The following RNF130 variants were observed in gnomAD, a reference collection of about 807,000 sequenced individuals.
RNF130 encodes E3 ubiquitin-protein ligase RNF130.
In RNF130, 21 loss-of-function variants were observed where a neutral mutation model predicts 44.6. The observed-to-expected ratio is 0.47, with a 90% confidence interval of 0.33 to 0.68. RNF130 has a LOEUF of 0.68. Among genes scored for constraint, RNF130 ranks in the 30% least tolerant of loss-of-function variants. The probability of loss-of-function intolerance (pLI) is 0.02; values close to 1 mark genes in which losing one functional copy is unlikely to be tolerated. For synonymous variants in RNF130, 214 were observed against 210.4 expected, an observed-to-expected ratio of 1.02 and a Z score of -0.15; for missense variants, 479 against 560.6, an observed-to-expected ratio of 0.85 and a Z score of 1.47.
chr5:180,045,940 G>A (rs986274394), intron 1 of RNF130, among the ~76,000 whole-genome samples: 3 of 152,340 alleles, frequency 2.0e-5, no homozygotes, highest in South Asian at 2.1e-4. Context: ...AGTGGATCCC[G>A]TGCGGCATGC....
chr5:179,945,971 C>T (rs756234397), intron 7 of RNF130, among the ~76,000 whole-genome samples: 3 of 152,230 alleles, frequency 2.0e-5, no homozygotes, highest in African/African-American at 7.2e-5. Flanking sequence ...CTCCCCACGG[C>T]CGCATCTGCC....
intron 7 of RNF130, among the ~76,000 whole-genome samples, chr5:179,930,303 G>T (rs1362993420): frequency 1.3e-5 from 2 of 152,118 alleles, no homozygotes; most frequent in African/African-American, 4.8e-5. Context: ...TGATCTGCCC[G>T]CCTTGGCCTC....
intron 7 of RNF130, among the ~76,000 whole-genome samples, chr5:179,923,678 C>A (rs1331971440): frequency 3.3e-5 from 5 of 152,164 alleles, no homozygotes; most frequent in Non-Finnish European, 7.3e-5. Context: ...TTTCCTGTAC[C>A]TCACTTCCCT....
intron 3 of RNF130, among the ~76,000 whole-genome samples, chr5:179,983,277 GTACT>G (rs1346575857): frequency 6.8e-6 from 1 of 147,250 alleles, no homozygotes; most frequent in South Asian, 2.2e-4. Flanking sequence ...TTATAGTTTC[GTACT>G]TTGTATTTAG....
chr5:179,926,751 G>C (rs1761712511), intron 7 of RNF130, among the ~76,000 whole-genome samples: 1 of 152,170 alleles, frequency 6.6e-6, no homozygotes, highest in African/African-American at 2.4e-5. Flanking sequence ...CTGACTCATA[G>C]CCAGTTGGTC....
At chr5:179,953,614 A>G (rs184533830), downstream of RNF130, among the ~76,000 whole-genome samples, 1 of 152,354 alleles carries the variant, frequency 6.6e-6, no homozygotes, top group East Asian at 1.9e-4. Flanking sequence ...TACACCGTAT[A>G]CAAACATTAA....
intron 2 of RNF130, among the ~76,000 whole-genome samples, chr5:180,038,896 G>A (rs1380738249): frequency 1.3e-5 from 2 of 152,120 alleles, no homozygotes; most frequent in African/African-American, 2.4e-5. Context: ...AAGTAAAGAA[G>A]AAATCAGCAT....
At chr5:179,926,129 T>A (rs1761705068) in intron 7 of RNF130, among the ~76,000 whole-genome samples, 1 of 152,192 alleles carries the variant, frequency 6.6e-6, no homozygotes, top group African/African-American at 2.4e-5. Flanking sequence ...ACCAATTCCA[T>A]CCTGTCTTTG....
At chr5:180,054,471 T>C (rs1042779905) in intron 1 of RNF130, among the ~76,000 whole-genome samples, 2 of 152,186 alleles carry the variant, frequency 1.3e-5, no homozygotes, top group African/African-American at 2.4e-5. Flanking sequence ...ACTTCTCCGA[T>C]ATCCAGTTGT....
intron 3 of RNF130, among the ~76,000 whole-genome samples, chr5:180,000,286 G>C (rs1763302908): frequency 6.6e-6 from 1 of 152,066 alleles, no homozygotes; most frequent in African/African-American, 2.4e-5. Flanking sequence ...AGTCTAATAG[G>C]GATTCTCTTA....
chr5:179,971,095 G>A (rs1406029317), intron 5 of RNF130, among the ~76,000 whole-genome samples: 1 of 152,034 alleles, frequency 6.6e-6, no homozygotes, highest in Non-Finnish European at 1.5e-5. Context: ...AACGGGGGAG[G>A]ATGGGAGATT....
chr5:180,018,618 T>G (rs1210042635), intron 2 of RNF130, among the ~76,000 whole-genome samples: 1 of 152,210 alleles, frequency 6.6e-6, no homozygotes, highest in Non-Finnish European at 1.5e-5. Flanking sequence ...CTAATCCTAC[T>G]TGTATTATTA....
At chr5:180,047,492 C>G (rs1764592392) in intron 1 of RNF130, among the ~76,000 whole-genome samples, 1 of 152,174 alleles carries the variant, frequency 6.6e-6, no homozygotes, top group Non-Finnish European at 1.5e-5. Flanking sequence ...TAGCTGTCAT[C>G]CCAGCACTTT....
intron 3 of RNF130, among the ~76,000 whole-genome samples, chr5:179,997,229 C>T (rs913674356): frequency 4.6e-5 from 7 of 152,168 alleles, no homozygotes; most frequent in East Asian, 1.9e-4. Context: ...GCAACCTCTG[C>T]CTCCTGGGCT....
chr5:179,952,334 C>G (rs1474386104), downstream of RNF130, among the ~76,000 whole-genome samples: 1 of 151,996 alleles, frequency 6.6e-6, no homozygotes, highest in African/African-American at 2.4e-5. Flanking sequence ...AAATAAAAAA[C>G]CTGAATAGGC....
exon 8 of RNF130, chr5:179,913,640 A>G (rs988216846): frequency 6.6e-6 from 1 of 151,926 alleles, no homozygotes; most frequent in Non-Finnish European, 1.5e-5. Flanking sequence ...GCGGCGGGAG[A>G]CCCTCTCAGC....
intron 7 of RNF130, among the ~76,000 whole-genome samples, chr5:179,940,553 A>T (rs995095001): frequency 1.3e-5 from 2 of 152,156 alleles, no homozygotes; most frequent in African/African-American, 2.4e-5. Context: ...GTTCACTTTC[A>T]AATGGTTACT....
At chr5:179,936,410 G>A (rs1305961679) in intron 7 of RNF130, among the ~76,000 whole-genome samples, 1 of 151,728 alleles carries the variant, frequency 6.6e-6, no homozygotes, top group Non-Finnish European at 1.5e-5. Context: ...AATTTTTTTT[G>A]TAGAGACGGG....
downstream of RNF130, among the ~76,000 whole-genome samples, chr5:179,954,904 A>G (rs1458719621): frequency 6.6e-6 from 1 of 152,280 alleles, no homozygotes; most frequent in Non-Finnish European, 1.5e-5. Context: ...GTAACAAAGT[A>G]TTTTGAAATT....
Sources: allele counts gnomAD v4.1 joint callset (sites outside exome capture counted in the v4.1 genomes callset), GRCh38; gene constraint gnomAD v4.1.1; transcripts MANE v1.5; gene names NCBI Gene and HGNC (gene_info 2026-07-23, HGNC 2026-07-21).